Variants in AGBL4 observed in about 807,000 individuals in gnomAD.
AGBL4 encodes AGBL carboxypeptidase 4, also known as cytosolic carboxypeptidase 6.
A neutral mutation model predicts 66.4 loss-of-function variants in AGBL4; 58 were observed. The observed-to-expected ratio is 0.87, with a 90% CI of 0.71 to 1.09. The LOEUF (loss-of-function observed/expected upper bound fraction) is 1.09. Among genes scored for constraint, AGBL4 ranks in the 50% least tolerant of loss-of-function variants. AGBL4 has a pLI of 0.00. For missense variants in AGBL4, 579 were observed against 631.0 expected, an observed-to-expected ratio of 0.92 and a Z score of 0.88; for synonymous variants, 234 against 222.9, an observed-to-expected ratio of 1.05 and a Z score of -0.44.
chr1:49,141,961 T>TG (rs1298361357), intron 4 of AGBL4, among the ~76,000 whole-genome samples: 1 of 152,062 alleles, frequency 6.6e-6, no homozygotes, highest in Non-Finnish European at 1.5e-5. Flanking sequence ...TGTTTGTGCC[T>TG]GGGCTGCTAG....
At chr1:49,563,027 C>G (rs570036772) in intron 3 of AGBL4, among the ~76,000 whole-genome samples, 3 of 152,162 alleles carry the variant, frequency 2.0e-5, no homozygotes, top group African/African-American at 7.2e-5. Context: ...TCCTTCACAT[C>G]CCTTGTAAGT....
chr1:48,801,662 G>T (rs1246789710), intron 6 of AGBL4, among the ~76,000 whole-genome samples: 1 of 152,184 alleles, frequency 6.6e-6, no homozygotes, highest in Non-Finnish European at 1.5e-5. Context: ...GTGTTTATAG[G>T]TAGGTTTTCC....
chr1:49,373,208 C>T (rs1644402578), intron 3 of AGBL4, among the ~76,000 whole-genome samples: 1 of 152,148 alleles, frequency 6.6e-6, no homozygotes, highest in Non-Finnish European at 1.5e-5. Flanking sequence ...ATTTTGTTCA[C>T]CCATTAAACT....
At chr1:49,779,661 C>T (rs560107443) in intron 2 of AGBL4, among the ~76,000 whole-genome samples, 39 of 152,190 alleles carry the variant, frequency 2.6e-4, no homozygotes, top group Admixed American at 1.4e-3. Context: ...ATCTGAGTCC[C>T]TGAAACTCCT....
chr1:48,655,129 A>G (rs1645999364), intron 7 of AGBL4, among the ~76,000 whole-genome samples: 1 of 152,188 alleles, frequency 6.6e-6, no homozygotes, highest in Non-Finnish European at 1.5e-5. Context: ...CCAATTAGGC[A>G]GCTAATAAAA....
At chr1:49,510,046 A>G (rs1307719598) in intron 3 of AGBL4, among the ~76,000 whole-genome samples, 1 of 152,000 alleles carries the variant, frequency 6.6e-6, no homozygotes, top group Non-Finnish European at 1.5e-5. Context: ...GTGAGTTAAT[A>G]AGAATCCAGG....
At chr1:49,533,877 C>T (rs996631573) in intron 3 of AGBL4, among the ~76,000 whole-genome samples, 1 of 152,028 alleles carries the variant, frequency 6.6e-6, no homozygotes, top group African/African-American at 2.4e-5. Context: ...CTTTTAACTA[C>T]CTAGCCCCAA....
intron 3 of AGBL4, among the ~76,000 whole-genome samples, chr1:49,355,537 A>G (rs1644002183): frequency 1.3e-5 from 2 of 152,106 alleles, no homozygotes; most frequent in Non-Finnish European, 2.9e-5. Context: ...CCCCAACATG[A>G]AAGTGTGTAT....
At chr1:49,324,476 C>A (rs933476718) in intron 3 of AGBL4, among the ~76,000 whole-genome samples, 1 of 152,196 alleles carries the variant, frequency 6.6e-6, no homozygotes, top group Non-Finnish European at 1.5e-5. Flanking sequence ...ATTAGAATAT[C>A]AGAGGGAGAA....
intron 4 of AGBL4, among the ~76,000 whole-genome samples, chr1:49,102,798 T>G (rs478808): frequency 0.035 from 5,390 of 152,230 alleles, 284 homozygotes; most frequent in African/African-American, 0.11. Context: ...TACATTTGCA[T>G]TGGTGTTTGA....
intron 7 of AGBL4, 50 bp downstream of exon 7, chr1:48,663,102 T>A (rs762855992): frequency 6.4e-7 from 1 of 1,554,834 alleles, no homozygotes; most frequent in African/African-American, 1.4e-5. Flanking sequence ...ATCATCACAG[T>A]GTCCCAGTTG....
intron 3 of AGBL4, among the ~76,000 whole-genome samples, chr1:49,445,151 T>G (rs1230821035): frequency 6.7e-6 from 1 of 149,148 alleles, no homozygotes; most frequent in East Asian, 2.0e-4. Flanking sequence ...TGGCTGACAG[T>G]TTTTTTTTTC....
intron 3 of AGBL4, among the ~76,000 whole-genome samples, chr1:49,617,009 A>G (rs1293875378): frequency 6.6e-6 from 1 of 152,124 alleles, no homozygotes; most frequent in African/African-American, 2.4e-5. Context: ...ATAGAGGGCA[A>G]TTCATGTAAA....
chr1:49,353,750 G>A (rs750970322), intron 3 of AGBL4, among the ~76,000 whole-genome samples: 33 of 152,064 alleles, frequency 2.2e-4, no homozygotes, highest in Non-Finnish European at 3.4e-4. Flanking sequence ...AGTGGCAGGC[G>A]GCAGAGCGGC....
At chr1:48,852,216 T>C (rs1213329892) in intron 6 of AGBL4, among the ~76,000 whole-genome samples, 1 of 152,128 alleles carries the variant, frequency 6.6e-6, no homozygotes, top group Non-Finnish European at 1.5e-5. Context: ...GATCTCAAAG[T>C]TTCCACTGCA....
At chr1:49,026,680 T>A (rs1420274720) in intron 5 of AGBL4, among the ~76,000 whole-genome samples, 2 of 152,168 alleles carry the variant, frequency 1.3e-5, no homozygotes, top group Non-Finnish European at 2.9e-5. Flanking sequence ...TGACTTTATT[T>A]CAGCAGCTCA....
intron 3 of AGBL4, among the ~76,000 whole-genome samples, chr1:49,613,312 A>G (rs1293540520): frequency 6.6e-6 from 1 of 151,906 alleles, no homozygotes; most frequent in Non-Finnish European, 1.5e-5. Context: ...GATCATTCAT[A>G]CCCCAAACCT....
intron 3 of AGBL4, among the ~76,000 whole-genome samples, chr1:49,611,191 C>A (rs544557583): frequency 6.6e-6 from 1 of 152,112 alleles, no homozygotes; most frequent in East Asian, 1.9e-4. Flanking sequence ...CCTCCTAGTG[C>A]CTCTCATTGG....
rs552882837 is a variant in AGBL4, at chr1:49,695,090, T to C, written c.282+2223A>G. On this transcript the variant is annotated intron_variant, in intron 3 of 13. Transcript: ENST00000371839. Reference sequence around the variant, plus strand: ...ATTGGCCCCACTTCTTAGGAGTTAGTGGGTTCCTGGATCCAGCAGGCAAGC... The same window carrying C: ...ATTGGCCCCACTTCTTAGGAGTTAGCGGGTTCCTGGATCCAGCAGGCAAGC... 2.8e-4 allele frequency among the ~76,000 whole-genome samples: 42 copies of C among 152,066 alleles called. No homozygotes were observed. The South Asian group carries it at 4.1e-3, about 15-fold the overall frequency.
Sources: allele counts gnomAD v4.1 joint callset (sites outside exome capture counted in the v4.1 genomes callset), GRCh38; gene constraint gnomAD v4.1.1; transcripts MANE v1.5; gene names NCBI Gene and HGNC (gene_info 2026-07-23, HGNC 2026-07-21).